ENTREP2: variants seen among roughly 807,000 people sequenced by gnomAD.
ENTREP2 encodes the protein protein ENTREP2.
At chr15:29,622,471 G>T in the ENTREP2 span, among the ~76,000 whole-genome samples, 2 of 152,122 alleles carry the variant, frequency 1.3e-5, no homozygotes, top group Admixed American at 1.3e-4. Context: ...GCCTCCCAAA[G>T]TGCTAAGATT....
the ENTREP2 span, among the ~76,000 whole-genome samples, chr15:29,597,440 C>T: frequency 0.44 from 67,180 of 151,416 alleles, 16,014 homozygotes; most frequent in Non-Finnish European, 0.54. Flanking sequence ...TGGTAGTGAA[C>T]GCCTGTAATC....
the ENTREP2 span, among the ~76,000 whole-genome samples, chr15:29,316,266 T>C: frequency 6.6e-6 from 1 of 151,968 alleles, no homozygotes; most frequent in Non-Finnish European, 1.5e-5. Context: ...ATATCTCAAG[T>C]GGTTTATTTC....
At chr15:29,284,205 G>A in the ENTREP2 span, among the ~76,000 whole-genome samples, 1 of 152,156 alleles carries the variant, frequency 6.6e-6, no homozygotes, top group Non-Finnish European at 1.5e-5. Flanking sequence ...TGAATTTCCA[G>A]AATAGGGAGG....
At chr15:29,365,402 G>A in the ENTREP2 span, among the ~76,000 whole-genome samples, 9 of 151,882 alleles carry the variant, frequency 5.9e-5, no homozygotes, top group East Asian at 9.7e-4. Flanking sequence ...ACAGGTGCCC[G>A]CCACCATGCC....
the ENTREP2 span, among the ~76,000 whole-genome samples, chr15:29,361,251 A>G: frequency 6.6e-6 from 1 of 152,156 alleles, no homozygotes; most frequent in Admixed American, 6.6e-5. Flanking sequence ...TGCCCTCTGA[A>G]ATCAGACACA....
At chr15:29,219,614 A>AATAAAT in the ENTREP2 span, among the ~76,000 whole-genome samples, 1 of 38,402 alleles carries the variant, frequency 2.6e-5, no homozygotes, top group African/African-American at 7.6e-5. Flanking sequence ...GTGGTGCATA[A>AATAAAT]ATATATATAT....
chr15:29,653,138 C>T, the ENTREP2 span, among the ~76,000 whole-genome samples: 2 of 152,056 alleles, frequency 1.3e-5, no homozygotes, highest in African/African-American at 4.8e-5. Flanking sequence ...TCAAACTGCA[C>T]CTTAACACAA....
At chr15:29,134,951 A>T in the ENTREP2 span, among the ~76,000 whole-genome samples, 1 of 152,076 alleles carries the variant, frequency 6.6e-6, no homozygotes, top group Non-Finnish European at 1.5e-5. Flanking sequence ...GATGCCCGGT[A>T]CCAGTGCCTG....
At chr15:29,651,575 C>T in the ENTREP2 span, among the ~76,000 whole-genome samples, 2 of 152,184 alleles carry the variant, frequency 1.3e-5, no homozygotes, top group Non-Finnish European at 1.5e-5. Context: ...CCCTTGGGGG[C>T]CTGGGAAGGC....
chr15:29,322,090 T>C, the ENTREP2 span, among the ~76,000 whole-genome samples: 2 of 152,132 alleles, frequency 1.3e-5, no homozygotes, highest in Non-Finnish European at 2.9e-5. Flanking sequence ...AAGGAATAAA[T>C]GAAGGTAAAA....
the ENTREP2 span, among the ~76,000 whole-genome samples, chr15:29,262,390 G>C: frequency 1.6e-4 from 24 of 152,222 alleles, no homozygotes; most frequent in African/African-American, 5.8e-4. Context: ...ATGCTACACA[G>C]AGAGGCCAAG....
At chr15:29,489,500 C>CTTCGATTT in the ENTREP2 span, among the ~76,000 whole-genome samples, 4 of 151,678 alleles carry the variant, frequency 2.6e-5, no homozygotes, top group East Asian at 7.8e-4. Context: ...AACTTTGATT[C>CTTCGATTT]TGTATGTGCG....
the ENTREP2 span, among the ~76,000 whole-genome samples, chr15:29,149,967 G>A: frequency 6.6e-6 from 1 of 152,204 alleles, no homozygotes; most frequent in Non-Finnish European, 1.5e-5. Flanking sequence ...GACGGCAGCC[G>A]CTGTCGCCGC....
the ENTREP2 span, among the ~76,000 whole-genome samples, chr15:29,462,222 A>C: frequency 6.6e-6 from 1 of 152,028 alleles, no homozygotes; most frequent in Non-Finnish European, 1.5e-5. Context: ...GGCTGTGCAA[A>C]TATCTCTTTG....
At chr15:29,322,522 T>C in the ENTREP2 span, among the ~76,000 whole-genome samples, 1 of 152,148 alleles carries the variant, frequency 6.6e-6, no homozygotes, top group African/African-American at 2.4e-5. Flanking sequence ...TAATTCACTA[T>C]GGCAAAGGGA....
the ENTREP2 span, among the ~76,000 whole-genome samples, chr15:29,535,048 C>T: frequency 0.08 from 12,137 of 151,536 alleles, 1,604 homozygotes; most frequent in African/African-American, 0.28. Context: ...GAGTTTGAGA[C>T]AGCCTGGGCA....
At chr15:29,443,299 T>C in the ENTREP2 span, among the ~76,000 whole-genome samples, 1 of 152,116 alleles carries the variant, frequency 6.6e-6, no homozygotes, top group Non-Finnish European at 1.5e-5. Flanking sequence ...ACCCACCTTA[T>C]GCAGTGGGAA....
the ENTREP2 span, among the ~76,000 whole-genome samples, chr15:29,445,595 C>T: frequency 6.6e-6 from 1 of 152,290 alleles, no homozygotes; most frequent in South Asian, 2.1e-4. Flanking sequence ...AGAGAAAGCT[C>T]CACACCCCTT....
At chr15:29,313,795 A>T in the ENTREP2 span, among the ~76,000 whole-genome samples, 1 of 152,238 alleles carries the variant, frequency 6.6e-6, no homozygotes, top group African/African-American at 2.4e-5. Context: ...TAGAGATGCC[A>T]TACATAGTGA....
Sources: gnomAD v4.1 joint callset for allele counts (sites outside exome capture counted in the v4.1 genomes callset) on GRCh38, gnomAD v4.1.1 for gene constraint, MANE v1.5 for transcripts, NCBI Gene and HGNC (gene_info 2026-07-23, HGNC 2026-07-21) for gene names.